AUTS2: variants seen among roughly 807,000 people sequenced by gnomAD.
AUTS2 encodes the protein autism susceptibility gene 2 protein.
Under a neutral mutation model 112.4 loss-of-function variants are expected in AUTS2, and 17 were observed. The observed-to-expected ratio is 0.15, with a 90% CI of 0.10 to 0.23. The LOEUF is 0.23. AUTS2 is among the 10% of genes least tolerant of loss of function. The pLI, the probability that AUTS2 is intolerant of heterozygous loss-of-function variation, is 1.00. For synonymous variants in AUTS2, 751 were observed against 702.7 expected, an observed-to-expected ratio of 1.07 and a Z score of -1.09; for missense variants, 1,510 against 1,701.6, an observed-to-expected ratio of 0.89 and a Z score of 1.98.
intron 2 of AUTS2, among the ~76,000 whole-genome samples, chr7:69,965,106 A>C (rs1297500405): frequency 6.6e-6 from 1 of 152,108 alleles, no homozygotes; most frequent in Admixed American, 6.6e-5. Context: ...AGTGAACTTC[A>C]ACATCTGATA....
At position 70,638,280 on chromosome 7, in the gene AUTS2, A is replaced by T. The variant is rs149249829; in HGVS notation, c.691-60289A>T. ...GGTTTTGGACGAGTCCCGCCATAAA[A>T]CCACTTTCCCATGACTTCCCGAACA... On this transcript the variant is annotated intron_variant, in intron 5 of 18. Coordinates refer to ENST00000342771, the MANE Select transcript of AUTS2 (RefSeq NM_015570.4). Among the ~76,000 whole-genome samples, 866 of 152,160 alleles carry T rather than the reference A, an allele frequency of 5.7e-3. 3 individuals carry two copies. The highest frequency in any genetic ancestry group is 0.026 in the South Asian group (125 of 4,808).
chr7:69,768,624 G>T (rs185397481), intron 1 of AUTS2, among the ~76,000 whole-genome samples: 1 of 152,296 alleles, frequency 6.6e-6, no homozygotes, highest in African/African-American at 2.4e-5. Flanking sequence ...TTGTACAAAA[G>T]AACCAGATTT....
chr7:70,030,871 G>C (rs1239494877), intron 2 of AUTS2, among the ~76,000 whole-genome samples: 2 of 152,062 alleles, frequency 1.3e-5, no homozygotes, highest in Non-Finnish European at 2.9e-5. Context: ...ATATCCTGTA[G>C]AACGGGATCC....
intron 4 of AUTS2, among the ~76,000 whole-genome samples, chr7:70,386,005 A>G (rs970474736): frequency 6.6e-6 from 1 of 152,174 alleles, no homozygotes; most frequent in East Asian, 1.9e-4. Context: ...CTGTCCCCAG[A>G]TATTCTAGTT....
chr7:69,754,675 C>T (rs1020550511), intron 1 of AUTS2, among the ~76,000 whole-genome samples: 3 of 152,110 alleles, frequency 2.0e-5, no homozygotes, highest in African/African-American at 7.2e-5. Flanking sequence ...TACTGTTGTA[C>T]TTGTAAAGGA....
intron 2 of AUTS2, among the ~76,000 whole-genome samples, chr7:70,097,325 C>T (rs1183575823): frequency 6.6e-6 from 1 of 152,098 alleles, no homozygotes; most frequent in Non-Finnish European, 1.5e-5. Flanking sequence ...TTTAAAGGCC[C>T]TATATAGATC....
chr7:70,774,307 C>T lies in AUTS2; in HGVS notation c.1902+208C>T, dbSNP rs1308693267. On this transcript the variant is annotated intron_variant, in intron 12 of 18. Coordinates refer to ENST00000342771, the MANE Select transcript of AUTS2 (RefSeq NM_015570.4). The stretch of plus-strand genomic sequence containing the variant: ...CGAGCATAGGACACAAAGAGACCGA[C>T]TTGCCGATGGGAGAAAAGAGGAATG... 16 of 550,500 alleles carry T rather than the reference C, an allele frequency of 2.9e-5. No individual in the cohort carries two copies. In the South Asian group the frequency reaches 4.2e-4, roughly 14 times the overall value. 34.1% of individuals were successfully genotyped at this position (550,500 alleles called of 1,614,324 possible).
intron 2 of AUTS2, among the ~76,000 whole-genome samples, chr7:70,053,660 C>G (rs1368259114): frequency 6.6e-6 from 1 of 151,724 alleles, no homozygotes; most frequent in Non-Finnish European, 1.5e-5. Context: ...CCACCTCATC[C>G]TCTTGAACAA....
At chr7:69,751,285 C>T (rs1562858228) in intron 1 of AUTS2, among the ~76,000 whole-genome samples, 1 of 152,174 alleles carries the variant, frequency 6.6e-6, no homozygotes, top group Non-Finnish European at 1.5e-5. Context: ...CACAACTAGC[C>T]TTTCATTCTG....
intron 5 of AUTS2, among the ~76,000 whole-genome samples, chr7:70,546,788 G>GAA (rs200434544): frequency 1.4e-4 from 20 of 142,162 alleles, no homozygotes; most frequent in African/African-American, 3.9e-4. Context: ...CAAAAAAAAA[G>GAA]AAAAAAAAAA....
intron 15 of AUTS2, 85 bp from the exon 16 acceptor site, chr7:70,784,857 C>T (rs1247119080): frequency 9.9e-6 from 12 of 1,215,664 alleles, no homozygotes; most frequent in South Asian, 1.3e-5. Flanking sequence ...TATTTTCTCA[C>T]GGGGCCCTTA....
intron 2 of AUTS2, among the ~76,000 whole-genome samples, chr7:70,077,475 G>A (rs945595085): frequency 3.9e-5 from 6 of 152,156 alleles, no homozygotes; most frequent in South Asian, 2.1e-4. Context: ...ACCCTGTCAC[G>A]TTCACTTTTG....
intron 5 of AUTS2, among the ~76,000 whole-genome samples, chr7:70,533,471 T>G (rs1800180799): frequency 1.3e-5 from 2 of 152,278 alleles, no homozygotes; most frequent in South Asian, 2.1e-4. Context: ...AAGTTGTAGC[T>G]GCTGCTGAGA....
chr7:70,579,335 G>A (rs575614236), intron 5 of AUTS2, among the ~76,000 whole-genome samples: 1 of 149,602 alleles, frequency 6.7e-6, no homozygotes, highest in Non-Finnish European at 1.5e-5. Flanking sequence ...GCTGAGAAGT[G>A]TCACTTTAAC....
At chr7:70,672,064 A>G (rs184560674) in intron 5 of AUTS2, among the ~76,000 whole-genome samples, 1 of 152,334 alleles carries the variant, frequency 6.6e-6, no homozygotes, top group Admixed American at 6.5e-5. Context: ...TGGCCTAGGT[A>G]AGACCACTGA....
At chr7:70,411,743 A>G (rs1026457320) in intron 4 of AUTS2, among the ~76,000 whole-genome samples, 3 of 152,148 alleles carry the variant, frequency 2.0e-5, no homozygotes, top group Non-Finnish European at 2.9e-5. Flanking sequence ...GGAACCTACT[A>G]TGTGCTCACA....
intron 17 of AUTS2, chr7:70,786,864 C>T (rs1180348866): frequency 1.1e-5 from 4 of 373,808 alleles, no homozygotes; most frequent in Non-Finnish European, 2.0e-5. Context: ...ATCCAAATCC[C>T]ACCATCATAA....
At chr7:70,496,171 AC>A in intron 5 of AUTS2, among the ~76,000 whole-genome samples, 1 of 71,208 alleles carries the variant, frequency 1.4e-5, no homozygotes, top group African/African-American at 5.1e-5. Context: ...GTACACAGTC[AC>A]ACACACACAC....
chr7:70,469,136 G>A (rs1451279713), intron 5 of AUTS2, among the ~76,000 whole-genome samples: 2 of 152,228 alleles, frequency 1.3e-5, no homozygotes, highest in African/African-American at 2.4e-5. Context: ...GTATTTGAGT[G>A]TCTGTTACAT....
Sources: gnomAD v4.1 joint callset for allele counts (sites outside exome capture counted in the v4.1 genomes callset) on GRCh38, gnomAD v4.1.1 for gene constraint, MANE v1.5 for transcripts, NCBI Gene and HGNC (gene_info 2026-07-23, HGNC 2026-07-21) for gene names.